KIDINS220: variants seen among roughly 807,000 people sequenced by gnomAD.
The protein encoded by KIDINS220 is kinase D-interacting substrate of 220 kDa.
KIDINS220 carries 63 observed loss-of-function variants against 157.6 expected under a neutral mutation model. The ratio of observed to expected loss-of-function variants is 0.40; its 90% confidence interval spans 0.33 to 0.49. The LOEUF is 0.49. Among genes scored for constraint, KIDINS220 ranks in the 20% least tolerant of loss-of-function variants. The pLI is 0.66. For synonymous variants in KIDINS220, 732 were observed against 783.6 expected (o/e 0.93, Z 1.10); for missense variants, 1,772 against 2,171.2 (o/e 0.82, Z 3.65).
chr2:8,761,188 G>A (rs1251198687), intron 22 of KIDINS220, among the ~76,000 whole-genome samples: 5 of 152,186 alleles, frequency 3.3e-5, no homozygotes, highest in South Asian at 2.1e-4. Context: ...TGCAATTGTC[G>A]TCTTTAAGAA....
At position 8,806,416 on chromosome 2, in the gene KIDINS220, CAAAG is replaced by C. The variant is rs746229863; in HGVS notation, c.505-51_505-48del. ...TTAAAATTATTATAAAAAGTATACT[CAAAG>C]AAACTAGCTCTTAACATGAATTTTA... On this transcript the variant is annotated intron_variant, in intron 6 of 29. Transcript: ENST00000256707. 12 of 1,162,710 alleles carry C rather than the reference CAAAG, an allele frequency of 1.0e-5. No individual in the cohort carries two copies. In the East Asian group the frequency reaches 2.5e-4, roughly 24 times the overall value. 72.0% of individuals were successfully genotyped at this position (1,162,710 alleles called of 1,614,324 possible). A position where few individuals can be genotyped will look rare whatever the true frequency, so the allele number is the denominator to read the frequency against.
intron 1 of KIDINS220, among the ~76,000 whole-genome samples, chr2:8,835,585 G>A (rs1312321581): frequency 1.3e-5 from 2 of 150,566 alleles, no homozygotes; most frequent in African/African-American, 2.5e-5. Context: ...GCCCCTAAGA[G>A]GAGGTCAGGG....
intron 14 of KIDINS220, 95 bp from the exon 15 acceptor site, chr2:8,788,907 T>C: frequency 9.4e-7 from 1 of 1,064,360 alleles, no homozygotes; most frequent in Middle Eastern, 2.1e-4. Flanking sequence ...AGAGCTAAGC[T>C]TACATAGCTT....
At chr2:8,739,644 T>C (rs1400851023) in intron 26 of KIDINS220, among the ~76,000 whole-genome samples, 1 of 152,200 alleles carries the variant, frequency 6.6e-6, no homozygotes, top group Non-Finnish European at 1.5e-5. Flanking sequence ...AGCATATTAC[T>C]TTGAGAATAC....
chr2:8,731,198 T>C lies in KIDINS220; in HGVS notation c.4838A>G (p.Asn1613Ser), dbSNP rs1469918114. 6.2e-7 allele frequency: 1 copy of C among 1,614,180 alleles called. No individual in the cohort carries two copies. The highest frequency in any genetic ancestry group is 1.7e-5 in the Admixed American group (1 of 60,022). Residue 1613 changes from asparagine (N) to serine (S), a missense_variant, in exon 30 of 30, where the codon AAT becomes AGT. By Grantham distance (46) the Asn-to-Ser change is conservative. Around this residue, in one of 3 missense-constraint regions of KIDINS220, gnomAD observed 793 missense variants for 885.5 expected, o/e 0.90. Transcript: ENST00000256707. The surrounding 1 kb of genome is among the most constrained non-coding windows in gnomAD (Gnocchi z 5.2). ...ACTGTCATCTTCCAGCTCTATGAGA[T>C]TTGCCTTTTCAAGCTGGGAGTCATC... is the stretch of plus-strand genomic sequence containing the variant. ...VADDSQLEKANLIELEDDSHS... is the reference protein window; with the variant it reads ...VADDSQLEKASLIELEDDSHS...
chr2:8,801,598 T>C (rs1674708585), intron 8 of KIDINS220, among the ~76,000 whole-genome samples: 1 of 152,096 alleles, frequency 6.6e-6, no homozygotes, highest in Admixed American at 6.5e-5. Context: ...AATAAGGTAA[T>C]GTTCTAGAAA....
At chr2:8,725,824 T>A (rs532512308), downstream of KIDINS220, among the ~76,000 whole-genome samples, 17 of 152,346 alleles carry the variant, frequency 1.1e-4, no homozygotes, top group African/African-American at 4.1e-4. Context: ...TTACTCACGT[T>A]CTAAGAATTC....
At chr2:8,806,631 A>T (rs1675495079) in intron 6 of KIDINS220, among the ~76,000 whole-genome samples, 1 of 152,222 alleles carries the variant, frequency 6.6e-6, no homozygotes, top group Non-Finnish European at 1.5e-5. Context: ...CCCAGGCTGG[A>T]ATGCAGTAGT....
chr2:8,749,296 A>G (rs1666991048), intron 24 of KIDINS220: 6 of 393,604 alleles, frequency 1.5e-5, no homozygotes, highest in Admixed American at 3.0e-5. Flanking sequence ...CTAGGCTTCT[A>G]TGACTAACTA....
intron 17 of KIDINS220, among the ~76,000 whole-genome samples, chr2:8,785,039 T>A (rs1198227603): frequency 6.6e-6 from 1 of 152,122 alleles, no homozygotes; most frequent in Non-Finnish European, 1.5e-5. Flanking sequence ...AAATGAACTG[T>A]GATATATCCA....
At chr2:8,803,624 T>C (rs1328095976) in intron 7 of KIDINS220, among the ~76,000 whole-genome samples, 2 of 152,224 alleles carry the variant, frequency 1.3e-5, no homozygotes, top group Non-Finnish European at 2.9e-5. Context: ...AAGTGTAATA[T>C]ACTGTTTGGC....
intron 22 of KIDINS220, among the ~76,000 whole-genome samples, chr2:8,753,908 C>T (rs773233015): frequency 8.5e-5 from 13 of 152,258 alleles, no homozygotes; most frequent in Admixed American, 3.3e-4. Flanking sequence ...GTCCGTTTTA[C>T]AGACACAGAC....
chr2:8,764,154 C>T (rs772439994), intron 22 of KIDINS220, among the ~76,000 whole-genome samples: 6 of 152,096 alleles, frequency 3.9e-5, no homozygotes, highest in Admixed American at 1.3e-4. Flanking sequence ...GGAAAACCAA[C>T]AACCATATGT....
At chr2:8,723,040 CTGTT>C (rs1459342427), downstream of KIDINS220, 1 of 152,238 alleles carries the variant, frequency 6.6e-6, no homozygotes, top group East Asian at 1.9e-4. Context: ...AACAACTCAT[CTGTT>C]TGTTACAAGA....
Position 8,731,377 on chromosome 2 carries a change from C to T in KIDINS220, c.4659G>A (p.Pro1553=), listed in dbSNP as rs751806826. The T allele has an allele frequency of 9.3e-6, 15 of 1,614,066 alleles. No homozygotes were observed. In the African/African-American group the frequency reaches 1.1e-4, roughly 11 times the overall value. The stretch of plus-strand genomic sequence containing the variant: ...GCTCAGCACTGTGTTCTGGAGACTT[C>T]GGCACTCTCTCTACTTTCCCTTCGG... ...RKAEGKVERV[P]KSPEHSAEPI... is the part of the protein sequence containing the mutation. The change falls in exon 30 of 30, where the codon CCG becomes CCA. Residue 1553 remains proline, a synonymous_variant. Transcript: ENST00000256707. The surrounding 1 kb of genome is among the most constrained non-coding windows in gnomAD (Gnocchi z 5.2).
intron 23 of KIDINS220, 109 bp downstream of exon 23, chr2:8,751,357 A>C (rs1667336916): frequency 1.2e-6 from 1 of 858,954 alleles, no homozygotes; most frequent in Non-Finnish European, 1.8e-6. Flanking sequence ...TGCTTAGTTC[A>C]ATACCTCTTG....
chr2:8,816,220 T>C (rs1677055577), intron 4 of KIDINS220, among the ~76,000 whole-genome samples: 1 of 152,230 alleles, frequency 6.6e-6, no homozygotes, highest in South Asian at 2.1e-4. Context: ...TCTTAATACA[T>C]TTTTACACAT....
At chr2:8,814,374 T>C (rs1679780327) in intron 4 of KIDINS220, among the ~76,000 whole-genome samples, 2 of 152,144 alleles carry the variant, frequency 1.3e-5, no homozygotes, top group Non-Finnish European at 2.9e-5. Context: ...TGAGCAGTAA[T>C]ATTAGTACTG....
downstream of KIDINS220, among the ~76,000 whole-genome samples, chr2:8,727,758 T>A (rs1388437343): frequency 6.6e-6 from 1 of 152,182 alleles, no homozygotes; most frequent in Admixed American, 6.5e-5. Flanking sequence ...TATAAACCCA[T>A]ATAAGTAAAA....
Sources: allele counts gnomAD v4.1 joint callset (sites outside exome capture counted in the v4.1 genomes callset), GRCh38; gene constraint gnomAD v4.1.1; regional missense constraint gnomAD v4.1.1; non-coding constraint Gnocchi (gnomAD v3.1); transcripts MANE v1.5; gene names NCBI Gene and HGNC (gene_info 2026-07-23, HGNC 2026-07-21).